The following HS3ST4 variants were observed in gnomAD, a reference collection of about 807,000 sequenced individuals.
HS3ST4 encodes heparan sulfate glucosamine 3-O-sulfotransferase 4.
In HS3ST4, 17 loss-of-function variants were observed where a neutral mutation model predicts 29.2. The observed-to-expected ratio is 0.58, with a 90% CI of 0.40 to 0.87. The LOEUF is 0.87. Among genes scored for constraint, HS3ST4 ranks in the 40% least tolerant of loss-of-function variants. HS3ST4 has a pLI of 0.00. For missense variants in HS3ST4, 627 were observed against 634.5 expected (o/e 0.99, Z 0.13); for synonymous variants, 314 against 285.7 (o/e 1.10, Z -1.00).
At chr16:25,918,991 A>G (rs1463279214) in intron 1 of HS3ST4, among the ~76,000 whole-genome samples, 1 of 152,048 alleles carries the variant, frequency 6.6e-6, no homozygotes, top group Non-Finnish European at 1.5e-5. Flanking sequence ...TTTTCCAGGA[A>G]TTTTCTTGGC....
intron 1 of HS3ST4, among the ~76,000 whole-genome samples, chr16:26,113,903 T>C (rs1028899326): frequency 1.3e-5 from 2 of 152,294 alleles, no homozygotes; most frequent in East Asian, 1.9e-4. Context: ...CATGTATGTA[T>C]ATATGTGTGC....
At chr16:26,123,136 G>A (rs958315930) in intron 1 of HS3ST4, among the ~76,000 whole-genome samples, 5 of 151,876 alleles carry the variant, frequency 3.3e-5, no homozygotes, top group Admixed American at 2.0e-4. Flanking sequence ...CCTACTATGT[G>A]CACCACAATG....
chr16:25,864,741 T>A (rs1237949146), intron 1 of HS3ST4, among the ~76,000 whole-genome samples: 2 of 152,102 alleles, frequency 1.3e-5, no homozygotes, highest in Admixed American at 6.6e-5. Flanking sequence ...TGTGGCTGAA[T>A]AATATTCCAT....
intron 1 of HS3ST4, among the ~76,000 whole-genome samples, chr16:25,784,635 G>C (rs1567239269): frequency 6.6e-6 from 1 of 152,170 alleles, no homozygotes; most frequent in Non-Finnish European, 1.5e-5. Flanking sequence ...TTCTATGAAG[G>C]CTAAACGAGG....
At chr16:25,946,030 A>G (rs1383222703) in intron 1 of HS3ST4, among the ~76,000 whole-genome samples, 2 of 152,164 alleles carry the variant, frequency 1.3e-5, no homozygotes, top group Non-Finnish European at 2.9e-5. Context: ...AAGGAAATCC[A>G]GACAGTCTTT....
In HS3ST4 at chr16:25,979,499, C is replaced by A. The variant is rs1265759220; in HGVS notation, c.735-156113C>A. ...TGAACACTATTGTGAACTTTGCATG[C>A]AAGGGATCTAGGTTACAGGCTCCTT... On this transcript the variant is annotated intron_variant, in intron 1 of 1. Coordinates refer to ENST00000331351, the MANE Select transcript of HS3ST4 (RefSeq NM_006040.3). Among the ~76,000 whole-genome samples the A allele has an allele frequency of 2.0e-5, 3 of 152,160 alleles. No individual in the cohort carries two copies. The East Asian group carries it at 5.8e-4, about 29-fold the overall frequency.
chr16:25,751,233 T>A (rs1966717446), intron 1 of HS3ST4, among the ~76,000 whole-genome samples: 1 of 152,202 alleles, frequency 6.6e-6, no homozygotes, highest in Non-Finnish European at 1.5e-5. Context: ...AATAGAAATA[T>A]TTCCTCTGAA....
chr16:25,696,766 C>A (rs1465094826), intron 1 of HS3ST4, among the ~76,000 whole-genome samples: 1 of 152,204 alleles, frequency 6.6e-6, no homozygotes, highest in Non-Finnish European at 1.5e-5. Flanking sequence ...ATGGTCAGTG[C>A]TCAGCAGCAT....
At chr16:25,898,693 C>A (rs1968094108) in intron 1 of HS3ST4, among the ~76,000 whole-genome samples, 1 of 152,168 alleles carries the variant, frequency 6.6e-6, no homozygotes, top group Non-Finnish European at 1.5e-5. Context: ...CAGAACAAAA[C>A]CAAACAGTGT....
intron 1 of HS3ST4, among the ~76,000 whole-genome samples, chr16:25,952,769 G>T (rs769871857): frequency 1.3e-5 from 2 of 152,152 alleles, no homozygotes; most frequent in Non-Finnish European, 2.9e-5. Context: ...TGCCAAACCC[G>T]CCTCATACAG....
intron 1 of HS3ST4, among the ~76,000 whole-genome samples, chr16:25,925,017 T>A (rs1196964698): frequency 1.3e-5 from 2 of 152,026 alleles, no homozygotes; most frequent in South Asian, 2.1e-4. Context: ...ATAAATCCCA[T>A]GGGTAGAGTA....
In HS3ST4 at chr16:25,868,989, C is replaced by T. The variant is rs186006649; in HGVS notation, c.734+175838C>T. 3.3e-5 allele frequency among the ~76,000 whole-genome samples: 5 copies of T among 152,056 alleles called. No homozygotes were observed. In the East Asian group the frequency reaches 9.7e-4, roughly 29 times the overall value. On this transcript the variant is annotated intron_variant, in intron 1 of 1. Coordinates refer to ENST00000331351, the MANE Select transcript of HS3ST4 (RefSeq NM_006040.3). ...TGTGTCTGTGTGCATGTGTGTGTAC[C>T]GTGTGTGTGCCTATGCATTTACCTT... is the stretch of plus-strand genomic sequence containing the variant.
intron 1 of HS3ST4, among the ~76,000 whole-genome samples, chr16:26,019,727 C>G (rs1364710218): frequency 6.6e-6 from 1 of 152,166 alleles, no homozygotes; most frequent in African/African-American, 2.4e-5. Flanking sequence ...TGAACATTAA[C>G]ATGGATCGAG....
chr16:25,739,081 C>T (rs1014470458), intron 1 of HS3ST4, among the ~76,000 whole-genome samples: 2 of 152,166 alleles, frequency 1.3e-5, no homozygotes, highest in Non-Finnish European at 2.9e-5. Context: ...GTGGCTCATG[C>T]GTGTAATCCC....
intron 1 of HS3ST4, among the ~76,000 whole-genome samples, chr16:25,699,166 A>G (rs1246885801): frequency 5.9e-5 from 9 of 152,112 alleles, no homozygotes; most frequent in African/African-American, 2.2e-4. Context: ...TCTGGTTTAA[A>G]CTCATTTCAG....
intron 1 of HS3ST4, among the ~76,000 whole-genome samples, chr16:25,812,449 T>A (rs1967050721): frequency 6.6e-6 from 1 of 152,230 alleles, no homozygotes; most frequent in Non-Finnish European, 1.5e-5. Context: ...TGCCTAATAG[T>A]CTTCTAGTCT....
intron 1 of HS3ST4, among the ~76,000 whole-genome samples, chr16:25,837,314 C>T (rs1967366151): frequency 6.6e-6 from 1 of 152,052 alleles, no homozygotes; most frequent in African/African-American, 2.4e-5. Context: ...TGAACAAGGC[C>T]CTAGGTAGGC....
In HS3ST4 at chr16:25,838,225, A is replaced by G. The variant is rs574402330; in HGVS notation, c.734+145074A>G. ...TAACGACTACCGCTGCTATTTAACTACATCAAGTTTGCTAAAAGCTATCTT... is the reference window on the plus strand; with the variant it reads ...TAACGACTACCGCTGCTATTTAACTGCATCAAGTTTGCTAAAAGCTATCTT... On this transcript the variant is annotated intron_variant, in intron 1 of 1. Transcript: ENST00000331351. Among the ~76,000 whole-genome samples, 3 of 152,378 alleles carry G rather than the reference A, an allele frequency of 2.0e-5. No homozygotes were observed. The East Asian group carries it at 5.8e-4, about 29-fold the overall frequency.
At chr16:25,828,295 T>TCTTC (rs1967251995) in intron 1 of HS3ST4, among the ~76,000 whole-genome samples, 3 of 68,154 alleles carry the variant, frequency 4.4e-5, no homozygotes, top group South Asian at 6.1e-4. Context: ...TTTCTTTCTT[T>TCTTC]CTTTCCCTCT....
Sources: allele counts gnomAD v4.1 joint callset (sites outside exome capture counted in the v4.1 genomes callset), GRCh38; gene constraint gnomAD v4.1.1; transcripts MANE v1.5; gene names NCBI Gene and HGNC (gene_info 2026-07-23, HGNC 2026-07-21).